NOTCH1: variants seen among roughly 807,000 people sequenced by gnomAD.
The protein encoded by NOTCH1 is neurogenic locus notch homolog protein 1.
A neutral mutation model predicts 254.8 loss-of-function variants in NOTCH1; 37 were observed. The ratio of observed to expected loss-of-function variants is 0.15; its 90% CI spans 0.11 to 0.19. The LOEUF is 0.19. Among genes scored for constraint, NOTCH1 ranks in the 10% least tolerant of loss-of-function variants. NOTCH1 has a pLI of 1.00. For synonymous variants in NOTCH1, 1,731 were observed against 1,618.1 expected (o/e 1.07, Z -1.68); for missense variants, 2,972 against 3,708.6 (o/e 0.80, Z 5.16).
chr9:136,502,201 T>G, intron 28 of NOTCH1, 71 bp downstream of exon 28: 1 of 1,370,618 alleles, frequency 7.3e-7, no homozygotes, highest in Non-Finnish European at 1.0e-6. Flanking sequence ...AGGGGCAGAC[T>G]CCCGGTGAGG....
At chr9:136,509,133 G>A (rs1843137838) in intron 18 of NOTCH1, 62 bp from the exon 19 acceptor site, 4 of 1,454,230 alleles carry the variant, frequency 2.8e-6, no homozygotes, top group Non-Finnish European at 3.8e-6. Context: ...CGCTCCAGCA[G>A]ATTCTGCCTC....
Position 136,498,773 on chromosome 9 carries a change from C to T in NOTCH1, c.6180+126G>A, listed in dbSNP as rs79872302. 2.3e-3 allele frequency: 2,466 copies of T among 1,094,576 alleles called. 53 individuals carry two copies. In the African/African-American group the frequency reaches 0.034, roughly 15 times the overall value. The allele number at this position is 1,094,576 out of a possible 1,614,324, so 67.8% of individuals were successfully genotyped here. A position where few individuals can be genotyped will look rare whatever the true frequency, so the allele number is the denominator to read the frequency against. On this transcript the variant is annotated intron_variant, in intron 33 of 33. Transcript: ENST00000651671. ...GCATCATGCGGGTGGGGCCCACATG[C>T]GGGCCCAGCGACCCTCGAGACCCTG...
chr9:136,505,117 G>C lies in NOTCH1; in HGVS notation c.4587-13C>G. 6.2e-7 allele frequency: 1 copy of C among 1,605,540 alleles called. No homozygotes were observed. ...GTCGTACAGGGGGCTGTGGGGGGCG[G>C]GACACGCTCAGGCCGCCTTCCTCGG... On this transcript the variant is annotated splice_polypyrimidine_tract_variant and intron_variant, in intron 25 of 33. Coordinates refer to ENST00000651671, the MANE Select transcript of NOTCH1 (RefSeq NM_017617.5).
chr9:136,511,423 T>C, intron 15 of NOTCH1, 152 bp from the exon 16 acceptor site: 1 of 971,114 alleles, frequency 1.0e-6, no homozygotes. Context: ...CGCTCCCGGC[T>C]GTGCCAGGAC....
chr9:136,528,614 G>C (rs1020669005), intron 2 of NOTCH1, among the ~76,000 whole-genome samples: 1 of 151,314 alleles, frequency 6.6e-6, no homozygotes, highest in Admixed American at 6.6e-5. Context: ...CTTCCCAGAG[G>C]GGAAGGAACG....
Position 136,517,249 on chromosome 9 carries a change from C to G in NOTCH1, c.1555+23G>C, listed in dbSNP as rs963239685. The stretch of plus-strand genomic sequence containing the variant: ...GGCCAGGGTGCAGACGACCCGGGGG[C>G]AGGGGGCGGGGGTGGCCCTCACCCG... On this transcript the variant is annotated intron_variant, in intron 9 of 33. Transcript: ENST00000651671. The G allele has an allele frequency of 2.7e-6, 4 of 1,496,394 alleles. No homozygotes were observed. In the African/African-American group the frequency reaches 5.5e-5, roughly 21 times the overall value. The allele number at this position is 1,496,394 out of a possible 1,614,324, so 92.7% of individuals were successfully genotyped here.
intron 4 of NOTCH1, among the ~76,000 whole-genome samples, chr9:136,521,026 G>T (rs1468603641): frequency 1.3e-5 from 2 of 152,300 alleles, no homozygotes; most frequent in East Asian, 3.9e-4. Flanking sequence ...CAGTTCCCGG[G>T]CCTGCAGAGC....
chr9:136,497,299 C>A lies in NOTCH1; in HGVS notation c.6440G>T (p.Gly2147Val), dbSNP rs760564367. Residue 2147 changes from glycine (G) to valine (V), a missense_variant, in exon 34 of 34, where the codon GGC becomes GTC. Transcript: ENST00000651671. ...GCCCTGCACGCCGGGCTTGAGGCTG[C>A]CCAGGTAGCCGTTGGGCGAGCAGAG... ...PPLCSPNGYL[G>V]SLKPGVQGKK... is the part of the protein sequence containing the mutation. 1 of 1,608,118 alleles carries A rather than the reference C, an allele frequency of 6.2e-7. No individual in the cohort carries two copies. The highest frequency in any genetic ancestry group is 8.5e-7 in the Non-Finnish European group (1 of 1,179,786).
At chr9:136,530,345 C>G (rs912517060) in intron 2 of NOTCH1, among the ~76,000 whole-genome samples, 5 of 152,250 alleles carry the variant, frequency 3.3e-5, no homozygotes, top group African/African-American at 9.6e-5. Context: ...CGGGGAAACC[C>G]TTTGTGTGGG....
chr9:136,503,055 C>T (rs1294104739), intron 27 of NOTCH1, 127 bp downstream of exon 27: 4 of 1,384,842 alleles, frequency 2.9e-6, no homozygotes, highest in Non-Finnish European at 4.0e-6. Flanking sequence ...AAAAGCCCTA[C>T]CCCAACTCGG....
intron 27 of NOTCH1, 97 bp downstream of exon 27, chr9:136,503,085 T>TG: frequency 6.4e-7 from 1 of 1,551,220 alleles, no homozygotes; most frequent in Non-Finnish European, 8.8e-7. Flanking sequence ...CTCACACCCG[T>TG]GGGTAGCAAC....
chr9:136,522,719 G>A lies in NOTCH1; in HGVS notation c.742+131C>T. 6 of 883,774 alleles carry A rather than the reference G, an allele frequency of 6.8e-6. 1 individual carries two copies. The highest frequency in any genetic ancestry group is 1.0e-5 in the Non-Finnish European group (6 of 600,460). 54.7% of individuals were successfully genotyped at this position (883,774 alleles called of 1,614,324 possible). On this transcript the variant is annotated intron_variant, in intron 4 of 33. Transcript: ENST00000651671. The stretch of plus-strand genomic sequence containing the variant: ...ACACCACACGCAGTCTGGGGAACTC[G>A]CCATCCCGCCTTCCCAACTCCCCGC...
Position 136,519,446 on chromosome 9 carries a change from T to C in NOTCH1, c.862A>G (p.Thr288Ala). Residue 288 changes from threonine (T) to alanine (A), a missense_variant, in exon 5 of 34, where the codon ACA becomes GCA. Physicochemically the swap from Thr to Ala is moderately conservative, Grantham distance 58 (BLOSUM62 0). Transcript: ENST00000651671. ...TYNCRCPPEW[T>A]GQYCTEDVDE... Reference sequence around the variant, plus strand: ...CTGCGGCGACCCGTATACGCGCCTGTCCACTCTGGCGGGCAGCGGCAGTTG... The same window carrying C: ...CTGCGGCGACCCGTATACGCGCCTGCCCACTCTGGCGGGCAGCGGCAGTTG... The C allele has an allele frequency of 6.2e-7, 1 of 1,612,862 alleles. No individual in the cohort carries two copies. The highest frequency in any genetic ancestry group is 1.1e-5 in the South Asian group (1 of 91,088).
In NOTCH1 at chr9:136,496,200, G is replaced by A. The variant is rs758931699; in HGVS notation, c.7539C>T (p.Ser2513=). The A allele has an allele frequency of 3.1e-6, 5 of 1,609,848 alleles. No individual in the cohort carries two copies. The highest frequency in any genetic ancestry group is 1.7e-5 in the Admixed American group (1 of 59,782). ...TGGACCACTGGTCAGGGGACTCAGGGGACGGGGTGAGGAAGGGGTGCTCAG... is the reference window on the plus strand; with the variant it reads ...TGGACCACTGGTCAGGGGACTCAGGAGACGGGGTGAGGAAGGGGTGCTCAG... The part of the protein sequence containing the change: ...QVPEHPFLTP[S]PESPDQWSSS... Residue 2513 remains serine (S), a synonymous_variant, in exon 34 of 34, where the codon TCC becomes TCT. Coordinates refer to ENST00000651671, the MANE Select transcript of NOTCH1 (RefSeq NM_017617.5).
At chr9:136,522,204 C>T (rs1421272384) in intron 4 of NOTCH1, among the ~76,000 whole-genome samples, 1 of 152,182 alleles carries the variant, frequency 6.6e-6, no homozygotes, top group Non-Finnish European at 1.5e-5. Context: ...GTCTCCATCT[C>T]CTGACCTTGT....
At chr9:136,532,793 G>A (rs947649200) in intron 2 of NOTCH1, among the ~76,000 whole-genome samples, 6 of 152,224 alleles carry the variant, frequency 3.9e-5, no homozygotes, top group Admixed American at 2.0e-4. Context: ...CCACGTGGGG[G>A]AAAGAAGTCC....
chr9:136,510,396 C>G, intron 17 of NOTCH1: 1 of 597,340 alleles, frequency 1.7e-6, no homozygotes, highest in Non-Finnish European at 3.0e-6. Context: ...CCCGAGCCAT[C>G]CTCGGCTCAG....
intron 20 of NOTCH1, 32 bp downstream of exon 20, chr9:136,508,200 G>T (rs1286320630): frequency 6.2e-7 from 1 of 1,609,432 alleles, no homozygotes; most frequent in South Asian, 1.1e-5. Context: ...TTGATGGGCT[G>T]GGACCCGAGC....
At chr9:136,519,880 A>G (rs1843339341) in intron 4 of NOTCH1, among the ~76,000 whole-genome samples, 1 of 152,216 alleles carries the variant, frequency 6.6e-6, no homozygotes, top group East Asian at 1.9e-4. Context: ...CTGCATGCTC[A>G]GAGCTCCCTA....
Sources: allele counts gnomAD v4.1 joint callset (sites outside exome capture counted in the v4.1 genomes callset), GRCh38; gene constraint gnomAD v4.1.1; transcripts MANE v1.5; gene names NCBI Gene and HGNC (gene_info 2026-07-23, HGNC 2026-07-21).